The following UBASH3A variants were observed in gnomAD, a reference collection of about 807,000 sequenced individuals.
The protein encoded by UBASH3A is ubiquitin-associated and SH3 domain-containing protein A.
A neutral mutation model predicts 73.5 loss-of-function variants in UBASH3A; 63 were observed. The ratio of observed to expected loss-of-function variants is 0.86; its 90% CI spans 0.70 to 1.06. The LOEUF (loss-of-function observed/expected upper bound fraction) is 1.06, where lower values mean the gene tolerates loss of function less well. UBASH3A is among the 50% of genes least tolerant of loss of function. UBASH3A has a pLI of 0.00. For missense variants in UBASH3A, 860 were observed against 859.0 expected (o/e 1.00, Z -0.02); for synonymous variants, 363 against 351.1 (o/e 1.03, Z -0.38).
At chr21:42,421,770 G>A (rs1267650882) in intron 7 of UBASH3A, among the ~76,000 whole-genome samples, 1 of 152,148 alleles carries the variant, frequency 6.6e-6, no homozygotes, top group Non-Finnish European at 1.5e-5. Context: ...GATAAGACTA[G>A]CATTTTAAGT....
At chr21:42,409,399 T>C (rs201212769) in intron 2 of UBASH3A, 23 bp from the exon 3 acceptor site, 14 of 1,526,024 alleles carry the variant, frequency 9.2e-6, no homozygotes, top group Non-Finnish European at 1.1e-5. Flanking sequence ...CAGTGGGTGA[T>C]GCCGGCTTGC....
chr21:42,433,451 C>T (rs2053571810), intron 9 of UBASH3A, among the ~76,000 whole-genome samples: 1 of 152,298 alleles, frequency 6.6e-6, no homozygotes, highest in East Asian at 1.9e-4. Flanking sequence ...ATATTCCACA[C>T]AGACTCTGCT....
At position 42,432,222 on chromosome 21, in the gene UBASH3A, G is replaced by A. The variant is rs368354335; in HGVS notation, c.1270+20G>A. 1.9e-6 allele frequency: 3 copies of A among 1,556,018 alleles called. No homozygotes were observed. In the Admixed American group the frequency reaches 5.0e-5, roughly 26 times the overall value. On this transcript the variant is annotated intron_variant, in intron 9 of 14. Coordinates refer to ENST00000319294, the MANE Select transcript of UBASH3A (RefSeq NM_018961.4). ...CTGATGGTAGGTCACACTCAGGCGG[G>A]TCTACGGACAGAAACACTGTAGATC...
At position 42,409,623 on chromosome 21, in the gene UBASH3A, T is replaced by A. The variant is rs772098422; in HGVS notation, c.354+15T>A. The stretch of plus-strand genomic sequence containing the variant: ...ACTTCTTCACGGTGAGTCAACCCAG[T>A]GTGCCTTCAATGCTCACGGCAGCTG... On this transcript the variant is annotated intron_variant, in intron 3 of 14. Coordinates refer to ENST00000319294, the MANE Select transcript of UBASH3A (RefSeq NM_018961.4). The A allele has an allele frequency of 1.2e-6, 2 of 1,602,842 alleles. No homozygotes were observed. Among genetic ancestry groups the A allele is most frequent in the East Asian group, 2.2e-5 (1 of 44,738 alleles).
intron 8 of UBASH3A, among the ~76,000 whole-genome samples, chr21:42,429,311 G>A (rs1406663652): frequency 6.6e-6 from 1 of 152,208 alleles, no homozygotes; most frequent in African/African-American, 2.4e-5. Context: ...TGTTATGGCA[G>A]CCCCAGGACA....
intron 7 of UBASH3A, among the ~76,000 whole-genome samples, chr21:42,418,873 C>A (rs947548116): frequency 6.6e-6 from 1 of 152,178 alleles, no homozygotes; most frequent in Non-Finnish European, 1.5e-5. Flanking sequence ...AATACTACTT[C>A]TTTATCACAC....
Position 42,426,679 on chromosome 21 carries a change from GCTTTCCT to G in UBASH3A, c.1047-17_1047-11del. The G allele has an allele frequency of 6.2e-7, 1 of 1,612,988 alleles. No homozygotes were observed. Among genetic ancestry groups the G allele is most frequent in the Middle Eastern group, 1.7e-4 (1 of 6,058 alleles). ...ATGGTCTCACTTCTGTTCAAGCCGT[GCTTTCCT>G]TCCCCTGCAGGATGTACACCTTCAG... is the stretch of plus-strand genomic sequence containing the variant. On this transcript the variant is annotated splice_polypyrimidine_tract_variant and intron_variant, in intron 7 of 14. Coordinates refer to ENST00000319294, the MANE Select transcript of UBASH3A (RefSeq NM_018961.4).
intron 7 of UBASH3A, among the ~76,000 whole-genome samples, chr21:42,422,696 T>G (rs182959408): frequency 6.6e-6 from 1 of 152,236 alleles, no homozygotes; most frequent in Non-Finnish European, 1.5e-5. Context: ...GAATTTTATA[T>G]ATTGATTTGA....
Position 42,432,220 on chromosome 21 carries a change from G to A in UBASH3A, c.1270+18G>A, listed in dbSNP as rs150274565. 1.4e-4 allele frequency: 213 copies of A among 1,567,616 alleles called. 3 individuals carry two copies. The highest frequency in any genetic ancestry group is 1.3e-3 in the African/African-American group (96 of 74,140). On this transcript the variant is annotated intron_variant, in intron 9 of 14. Transcript: ENST00000319294. ...TCCTGATGGTAGGTCACACTCAGGC[G>A]GGTCTACGGACAGAAACACTGTAGA... is the stretch of plus-strand genomic sequence containing the variant.
intron 6 of UBASH3A, among the ~76,000 whole-genome samples, chr21:42,418,031 C>A (rs2053256460): frequency 6.6e-6 from 1 of 151,648 alleles, no homozygotes. Context: ...CTACAGGCAC[C>A]CGCCACCATG....
At chr21:42,411,760 C>T (rs111925703) in intron 3 of UBASH3A, among the ~76,000 whole-genome samples, 10,211 of 152,266 alleles carry the variant, frequency 0.067, 473 homozygotes, top group Middle Eastern at 0.13. Flanking sequence ...ACTAATCTTC[C>T]GAAGTGTGAT....
At chr21:42,433,752 T>C (rs377028212) in intron 9 of UBASH3A, among the ~76,000 whole-genome samples, 4 of 152,244 alleles carry the variant, frequency 2.6e-5, no homozygotes, top group Admixed American at 6.5e-5. Context: ...GGAGGGAGTC[T>C]TCAGAAAACT....
chr21:42,439,372 G>A (rs999176432), intron 11 of UBASH3A, among the ~76,000 whole-genome samples: 1 of 152,084 alleles, frequency 6.6e-6, no homozygotes, highest in African/African-American at 2.4e-5. Context: ...CCTCTGCACG[G>A]CATCTCGGGT....
intron 7 of UBASH3A, among the ~76,000 whole-genome samples, chr21:42,424,299 GCTCTGATGAATAGTA>G (rs1213371931): frequency 6.6e-6 from 1 of 152,132 alleles, no homozygotes; most frequent in Non-Finnish European, 1.5e-5. Flanking sequence ...AGAGTCTGCA[GCTCTGATGAATAGTA>G]CTTGTCAATT....
At chr21:42,439,758 C>G (rs113596334) in intron 11 of UBASH3A, among the ~76,000 whole-genome samples, 5 of 140,000 alleles carry the variant, frequency 3.6e-5, no homozygotes, top group Admixed American at 7.1e-5. Flanking sequence ...CCACACACAC[C>G]CACACACACT....
In UBASH3A at chr21:42,447,374, C is replaced by T. The variant is rs1323957525; in HGVS notation, c.*180C>T. The stretch of plus-strand genomic sequence containing the variant: ...CGGCTTTCGCCTTTGTAACTCCCAT[C>T]TGTGGACCCATCGTCCACCAGCCCA... On this transcript the variant is annotated 3_prime_UTR_variant, in exon 15 of 15. Transcript: ENST00000319294. 1 of 654,266 alleles carries T rather than the reference C, an allele frequency of 1.5e-6. No individual in the cohort carries two copies. Among genetic ancestry groups the T allele is most frequent in the Non-Finnish European group, 2.5e-6 (1 of 406,548 alleles). 40.5% of individuals were successfully genotyped at this position (654,266 alleles called of 1,614,324 possible).
chr21:42,440,882 CT>C (rs369703560), intron 11 of UBASH3A, among the ~76,000 whole-genome samples: 16 of 152,218 alleles, frequency 1.1e-4, no homozygotes, highest in Middle Eastern at 3.4e-3. Context: ...ATAATTTTAT[CT>C]TTTTTTTGTC....
At position 42,440,518 on chromosome 21, in the gene UBASH3A, CCT is replaced by C. The variant is rs1335397015; in HGVS notation, c.1487-1933_1487-1932del. On this transcript the variant is annotated intron_variant, in intron 11 of 14. Coordinates refer to ENST00000319294, the MANE Select transcript of UBASH3A (RefSeq NM_018961.4). ...TGTGCCTCAGTTTCCCCTCTTCTCC[CCT>C]GTCGCTGGTCTTTGCACCCCACCAC... Among the ~76,000 whole-genome samples the C allele has an allele frequency of 4.6e-5, 7 of 152,310 alleles. No homozygotes were observed. The South Asian group carries it at 6.2e-4, about 14-fold the overall frequency.
intron 7 of UBASH3A, among the ~76,000 whole-genome samples, chr21:42,424,277 C>A (rs924583621): frequency 2.0e-5 from 3 of 152,120 alleles, no homozygotes; most frequent in Non-Finnish European, 2.9e-5. Context: ...ACAGAGGGCA[C>A]CTTTCCAGGT....
Sources: allele counts gnomAD v4.1 joint callset (sites outside exome capture counted in the v4.1 genomes callset), GRCh38; gene constraint gnomAD v4.1.1; transcripts MANE v1.5; gene names NCBI Gene and HGNC (gene_info 2026-07-23, HGNC 2026-07-21).